CDH12: variants seen among roughly 807,000 people sequenced by gnomAD.
CDH12 encodes the protein cadherin 12, also known as cadherin-12.
In CDH12, 41 loss-of-function variants were observed where a neutral mutation model predicts 74.1. That is an observed-to-expected ratio of 0.55 (90% CI 0.43 to 0.72). The LOEUF (loss-of-function observed/expected upper bound fraction) is 0.72. Among genes scored for constraint, CDH12 ranks in the 30% least tolerant of loss-of-function variants. The pLI, the probability that CDH12 is intolerant of heterozygous loss-of-function variation, is 0.00. For synonymous variants in CDH12, 399 were observed against 355.0 expected (o/e 1.12, Z -1.39); for missense variants, 945 against 977.2 (o/e 0.97, Z 0.44).
chr5:22,616,400 T>A (rs1207057552), intron 1 of CDH12, among the ~76,000 whole-genome samples: 1 of 152,068 alleles, frequency 6.6e-6, no homozygotes, highest in South Asian at 2.1e-4. Flanking sequence ...GATGTGTGAA[T>A]TTGAGTATTT....
chr5:21,943,381 C>A (rs139640012), intron 6 of CDH12, among the ~76,000 whole-genome samples: 1,965 of 152,132 alleles, frequency 0.013, 13 homozygotes, highest in African/African-American at 0.023. Flanking sequence ...TTTATGCAAC[C>A]AATTACATAC....
intron 6 of CDH12, among the ~76,000 whole-genome samples, chr5:21,954,385 T>C (rs1320083079): frequency 2.0e-5 from 3 of 152,020 alleles, no homozygotes; most frequent in Non-Finnish European, 2.9e-5. Context: ...TGTGAGTGCC[T>C]GCACACACAC....
At chr5:22,337,573 A>ATC (rs1739649245) in intron 3 of CDH12, among the ~76,000 whole-genome samples, 1 of 152,030 alleles carries the variant, frequency 6.6e-6, no homozygotes, top group Non-Finnish European at 1.5e-5. Context: ...TCCCTGCACA[A>ATC]TCTCTATTTG....
chr5:21,813,341 A>G (rs1405571061), intron 9 of CDH12, among the ~76,000 whole-genome samples: 1 of 152,016 alleles, frequency 6.6e-6, no homozygotes, highest in Non-Finnish European at 1.5e-5. Context: ...TTAGCCAGGC[A>G]TGTTGGCAGG....
rs1416965211 is a variant in CDH12 at position 21,760,695 on chromosome 5, A to G, written c.1516-20T>C. 7.1e-7 allele frequency: 1 copy of G among 1,407,286 alleles called. No homozygotes were observed. Among genetic ancestry groups the G allele is most frequent in the Admixed American group, 1.7e-5 (1 of 59,478 alleles). The allele number at this position is 1,407,286 out of a possible 1,614,324, so 87.2% of individuals were successfully genotyped here. A position where few individuals can be genotyped will look rare whatever the true frequency, so the allele number is the denominator to read the frequency against. ...AATTATCTGCAACAGAGTTGAGATTAAAGTCGGTCATCAGTTTCAAAGAGG... is the reference window on the plus strand; with the variant it reads ...AATTATCTGCAACAGAGTTGAGATTGAAGTCGGTCATCAGTTTCAAAGAGG... On this transcript the variant is annotated intron_variant, in intron 12 of 14. Coordinates refer to ENST00000382254, the MANE Select transcript of CDH12 (RefSeq NM_004061.5).
chr5:22,634,825 T>G (rs1284103794), intron 1 of CDH12, among the ~76,000 whole-genome samples: 1 of 152,154 alleles, frequency 6.6e-6, no homozygotes, highest in Non-Finnish European at 1.5e-5. Context: ...ACTGTGAAAT[T>G]CAAAATATAA....
At chr5:22,316,930 A>G (rs903091210) in intron 3 of CDH12, among the ~76,000 whole-genome samples, 1 of 152,164 alleles carries the variant, frequency 6.6e-6, no homozygotes, top group Admixed American at 6.5e-5. Flanking sequence ...AGATCATGGT[A>G]TCATAACATT....
intron 1 of CDH12, among the ~76,000 whole-genome samples, chr5:22,834,193 T>C (rs1736729005): frequency 6.6e-6 from 1 of 152,184 alleles, no homozygotes; most frequent in Admixed American, 6.5e-5. Flanking sequence ...ACTTCTGCTG[T>C]GCCAGTTAGG....
At chr5:22,271,924 T>C (rs1169571189) in intron 3 of CDH12, among the ~76,000 whole-genome samples, 1 of 152,180 alleles carries the variant, frequency 6.6e-6, no homozygotes, top group East Asian at 1.9e-4. Context: ...TTAGCATAAT[T>C]CTTAAGAACC....
intron 8 of CDH12, among the ~76,000 whole-genome samples, chr5:21,822,854 G>A (rs536443689): frequency 8.5e-5 from 13 of 152,150 alleles, no homozygotes; most frequent in African/African-American, 2.9e-4. Flanking sequence ...TAAATTTTCT[G>A]TAACAATAGC....
chr5:22,486,014 G>A (rs1746577714), intron 2 of CDH12, among the ~76,000 whole-genome samples: 1 of 152,184 alleles, frequency 6.6e-6, no homozygotes, highest in East Asian at 1.9e-4. Flanking sequence ...TTCCAAGGAA[G>A]CAGGACCAAC....
intron 1 of CDH12, among the ~76,000 whole-genome samples, chr5:22,617,236 CAT>C (rs1388268187): frequency 1.3e-5 from 2 of 151,964 alleles, no homozygotes; most frequent in African/African-American, 2.4e-5. Context: ...AATGCAGTAA[CAT>C]AGAAAAAAGG....
At chr5:22,658,338 TAAAGCAAAC>T (rs1296499964) in intron 1 of CDH12, among the ~76,000 whole-genome samples, 1 of 152,130 alleles carries the variant, frequency 6.6e-6, no homozygotes, top group Non-Finnish European at 1.5e-5. Flanking sequence ...ACGACTGTGA[TAAAGCAAAC>T]ATAACTTATC....
intron 4 of CDH12, among the ~76,000 whole-genome samples, chr5:22,163,969 C>A (rs1466239045): frequency 6.6e-6 from 1 of 152,162 alleles, no homozygotes; most frequent in Non-Finnish European, 1.5e-5. Context: ...CATATAGTTA[C>A]ATAATTCACA....
chr5:22,555,940 T>C (rs1361847379), intron 1 of CDH12, among the ~76,000 whole-genome samples: 1 of 151,798 alleles, frequency 6.6e-6, no homozygotes, highest in African/African-American at 2.4e-5. Context: ...AAGACACAGA[T>C]ATATTAGATA....
intron 8 of CDH12, among the ~76,000 whole-genome samples, chr5:21,833,272 ATTATATG>A (rs1227080012): frequency 1.9e-5 from 1 of 52,156 alleles, no homozygotes; most frequent in Non-Finnish European, 2.7e-5. Flanking sequence ...TATAATATAT[ATTATATG>A]TTATATAACA....
chr5:22,647,552 C>A (rs140562106), intron 1 of CDH12, among the ~76,000 whole-genome samples: 1 of 151,658 alleles, frequency 6.6e-6, no homozygotes, highest in Non-Finnish European at 1.5e-5. Flanking sequence ...TCGCTGTGTC[C>A]TCACTGGTCA....
At chr5:22,595,454 C>G (rs1736558111) in intron 1 of CDH12, among the ~76,000 whole-genome samples, 1 of 152,092 alleles carries the variant, frequency 6.6e-6, no homozygotes, top group African/African-American at 2.4e-5. Flanking sequence ...ACAATTTGAT[C>G]ATTATAGTAA....
At position 21,802,244 on chromosome 5, in the gene CDH12, A is replaced by G; in HGVS notation, c.1179T>C (p.Val393=). The change falls in exon 10 of 15, where the codon GTT becomes GTC. Residue 393 remains valine, a synonymous_variant. Transcript: ENST00000382254. The part of the protein sequence containing the change: ...VFSKPLYTME[V]YEDTPVGTII... ...TGGTCCCTACCGGAGTGTCTTCATA[A>G]ACCTCCATGGTGTAGAGCGGCTTGC... 1 of 1,613,896 alleles carries G rather than the reference A, an allele frequency of 6.2e-7. No individual in the cohort carries two copies. The highest frequency in any genetic ancestry group is 8.5e-7 in the Non-Finnish European group (1 of 1,179,944).
Sources: gnomAD v4.1 joint callset for allele counts (sites outside exome capture counted in the v4.1 genomes callset) on GRCh38, gnomAD v4.1.1 for gene constraint, MANE v1.5 for transcripts, NCBI Gene and HGNC (gene_info 2026-07-23, HGNC 2026-07-21) for gene names.